Variants in ASXL3 observed in about 807,000 individuals in gnomAD.
ASXL3 encodes the protein putative Polycomb group protein ASXL3.
ASXL3 carries 34 observed loss-of-function variants against 170.6 expected under a neutral mutation model. The ratio of observed to expected loss-of-function variants is 0.20; its 90% CI spans 0.15 to 0.27. ASXL3 has a LOEUF of 0.27. ASXL3 is among the 10% of genes least tolerant of loss of function. The pLI is 1.00. For synonymous variants in ASXL3, 1,002 were observed against 989.1 expected (o/e 1.01, Z -0.24); for missense variants, 2,592 against 2,695.3 (o/e 0.96, Z 0.85).
At chr18:33,621,779 G>C (rs1205732174) in intron 2 of ASXL3, among the ~76,000 whole-genome samples, 1 of 152,116 alleles carries the variant, frequency 6.6e-6, no homozygotes, top group Non-Finnish European at 1.5e-5. Context: ...ATTTAACTAT[G>C]GGATATGTGA....
At chr18:33,734,729 GT>G (rs1225710330) in intron 10 of ASXL3, among the ~76,000 whole-genome samples, 1 of 152,108 alleles carries the variant, frequency 6.6e-6, no homozygotes, top group African/African-American at 2.4e-5. Context: ...TTTCAAGTAT[GT>G]TCATGAATTA....
intron 2 of ASXL3, among the ~76,000 whole-genome samples, chr18:33,636,528 G>A (rs2065768755): frequency 6.6e-6 from 1 of 152,124 alleles, no homozygotes; most frequent in South Asian, 2.1e-4. Context: ...ATTGTCTTGT[G>A]AATGAGGTAA....
At chr18:33,601,349 A>G (rs887251320) in intron 1 of ASXL3, among the ~76,000 whole-genome samples, 2 of 152,026 alleles carry the variant, frequency 1.3e-5, no homozygotes, top group Non-Finnish European at 2.9e-5. Context: ...CATTGGAATA[A>G]TAAGTGCTTT....
chr18:33,640,608 A>G (rs192661730), intron 2 of ASXL3, among the ~76,000 whole-genome samples: 2 of 152,248 alleles, frequency 1.3e-5, no homozygotes, highest in African/African-American at 2.4e-5. Context: ...CAAATTCTAA[A>G]CAATTTTCAC....
intron 4 of ASXL3, among the ~76,000 whole-genome samples, chr18:33,660,019 T>C (rs1430771535): frequency 1.3e-5 from 2 of 152,112 alleles, no homozygotes; most frequent in Non-Finnish European, 2.9e-5. Context: ...TTAGATATGA[T>C]ATTTTCTGTA....
rs1284838143 is a variant in ASXL3, at chr18:33,748,988, A to C, written c.*2393A>C. On this transcript the variant is annotated 3_prime_UTR_variant, in exon 12 of 12. Coordinates refer to ENST00000269197, the MANE Select transcript of ASXL3 (RefSeq NM_030632.3). ...AAAAAGTGTCCTTCTGTATGTTTTGATTTTTCACATAACAGGCTTGGAGAA... is the reference window on the plus strand; with the variant it reads ...AAAAAGTGTCCTTCTGTATGTTTTGCTTTTTCACATAACAGGCTTGGAGAA... 6.6e-6 allele frequency: 1 copy of C among 150,694 alleles called. No homozygotes were observed. Among genetic ancestry groups the C allele is most frequent in the Non-Finnish European group, 1.5e-5 (1 of 67,770 alleles). 9.3% of individuals were successfully genotyped at this position (150,694 alleles called of 1,614,324 possible).
At chr18:33,692,792 C>T (rs2066706740) in intron 8 of ASXL3, among the ~76,000 whole-genome samples, 1 of 152,140 alleles carries the variant, frequency 6.6e-6, no homozygotes, top group South Asian at 2.1e-4. Context: ...GGTAATTTAA[C>T]TTGTCTAATA....
rs2066328730 is a variant in ASXL3 at position 33,670,784 on chromosome 18, C to T, written c.589C>T (p.Pro197Ser). The change falls in exon 6 of 12, where the codon CCT becomes TCT. Residue 197 changes from proline (P) to serine (S), a missense_variant. Physicochemically the swap from Pro to Ser is moderately conservative, Grantham distance 74. Around this residue, in one of 4 missense-constraint regions of ASXL3, gnomAD observed 251 missense variants for 281.9 expected, o/e 0.89. Coordinates refer to ENST00000269197, the MANE Select transcript of ASXL3 (RefSeq NM_030632.3). Reference sequence around the variant, plus strand: ...GGTGTCTGATGAGCAGTCGGATTCGCCTTCAGGTAAAGAGCTGAAATATCA... The same window carrying T: ...GGTGTCTGATGAGCAGTCGGATTCGTCTTCAGGTAAAGAGCTGAAATATCA... The part of the protein sequence containing the change: ...LKVSDEQSDS[P>S]SGSESKNGEA... The T allele has an allele frequency of 1.3e-6, 2 of 1,540,190 alleles. No homozygotes were observed. Among genetic ancestry groups the T allele is most frequent in the Non-Finnish European group, 1.8e-6 (2 of 1,140,470 alleles).
chr18:33,745,408 G>A lies in ASXL3; in HGVS notation c.5560G>A (p.Val1854Ile), dbSNP rs767312279. 4.3e-6 allele frequency: 7 copies of A among 1,613,904 alleles called. No homozygotes were observed. The highest frequency in any genetic ancestry group is 5.9e-6 in the Non-Finnish European group (7 of 1,179,912). Residue 1854 changes from valine to isoleucine, a missense_variant, in exon 12 of 12, where the codon GTT (valine) becomes ATT (isoleucine). Coordinates refer to ENST00000269197, the MANE Select transcript of ASXL3 (RefSeq NM_030632.3). The part of the protein sequence containing the change: ...EPGKLLVEPD[V>I]KGVPCVISSG... ...AGGAAAATTGTTGGTGGAGCCAGATGTTAAAGGGGTGCCTTGTGTCATCAG... is the reference window on the plus strand; with the variant it reads ...AGGAAAATTGTTGGTGGAGCCAGATATTAAAGGGGTGCCTTGTGTCATCAG...
At chr18:33,589,102 C>T (rs376040770) in intron 1 of ASXL3, among the ~76,000 whole-genome samples, 1 of 152,044 alleles carries the variant, frequency 6.6e-6, no homozygotes, top group Admixed American at 6.6e-5. Flanking sequence ...AATGATGGTC[C>T]TAAGAGTCAG....
chr18:33,689,081 C>T (rs1328202535), intron 8 of ASXL3, among the ~76,000 whole-genome samples: 1 of 152,000 alleles, frequency 6.6e-6, no homozygotes, highest in Admixed American at 6.6e-5. Flanking sequence ...GCAACATCCG[C>T]CTCCCGGGTT....
At chr18:33,725,387 C>T (rs181467247) in intron 8 of ASXL3, among the ~76,000 whole-genome samples, 18 of 152,134 alleles carry the variant, frequency 1.2e-4, no homozygotes, top group African/African-American at 4.3e-4. Context: ...TCTTCCCTTA[C>T]ACCTATCAAT....
chr18:33,719,720 T>A (rs942761418), intron 8 of ASXL3, among the ~76,000 whole-genome samples: 1 of 151,944 alleles, frequency 6.6e-6, no homozygotes, highest in Non-Finnish European at 1.5e-5. Flanking sequence ...AGTTCTCTTA[T>A]AAGAAACCCC....
rs376418333 is a variant in ASXL3, at chr18:33,713,345, C to G, written c.880-18623C>G. On this transcript the variant is annotated intron_variant, in intron 8 of 11. Coordinates refer to ENST00000269197, the MANE Select transcript of ASXL3 (RefSeq NM_030632.3). ...TCTTGGCTCACTGCAACCTCCACCC[C>G]CCCCCGGGTTCAAGTGATTCTCCTG... is the stretch of plus-strand genomic sequence containing the variant. Among the ~76,000 whole-genome samples the G allele has an allele frequency of 5.3e-5, 2 of 37,970 alleles. 1 individual carries two copies. The highest frequency in any genetic ancestry group is 9.7e-5 in the Non-Finnish European group (2 of 20,552). 24.9% of individuals were successfully genotyped at this position (37,970 alleles called of 152,430 possible). A position where few individuals can be genotyped will look rare whatever the true frequency, so the allele number is the denominator to read the frequency against.
intron 1 of ASXL3, among the ~76,000 whole-genome samples, chr18:33,599,248 G>A (rs2065159164): frequency 6.6e-6 from 1 of 152,070 alleles, no homozygotes; most frequent in South Asian, 2.1e-4. Context: ...TATACATCAG[G>A]AAGATGCATA....
intron 4 of ASXL3, among the ~76,000 whole-genome samples, chr18:33,647,386 A>G (rs553645829): frequency 6.6e-6 from 1 of 152,230 alleles, no homozygotes; most frequent in Non-Finnish European, 1.5e-5. Flanking sequence ...GGAAATTACA[A>G]GAATGGCTGC....
intron 8 of ASXL3, among the ~76,000 whole-genome samples, chr18:33,690,890 C>T (rs1161923481): frequency 6.6e-6 from 1 of 152,142 alleles, no homozygotes. Context: ...TCAGGCTACT[C>T]CTCAGTGCAG....
chr18:33,707,149 G>T lies in ASXL3; in HGVS notation c.879+23581G>T, dbSNP rs140104969. Among the ~76,000 whole-genome samples the T allele has an allele frequency of 7.9e-3, 1,198 of 151,924 alleles. 16 individuals carry two copies. The highest frequency in any genetic ancestry group is 0.049 in the South Asian group (236 of 4,818). On this transcript the variant is annotated intron_variant, in intron 8 of 11. Coordinates refer to ENST00000269197, the MANE Select transcript of ASXL3 (RefSeq NM_030632.3). ...AACCATGTTATCTTGATTATTCGTA[G>T]CTTGATATCTTGTAGAGGTAGCTCA...
intron 7 of ASXL3, among the ~76,000 whole-genome samples, chr18:33,675,022 T>G (rs540911770): frequency 6.6e-6 from 1 of 152,316 alleles, no homozygotes; most frequent in African/African-American, 2.4e-5. Flanking sequence ...TCTTTGCCAT[T>G]AAGTTGTTAA....
Sources: allele counts gnomAD v4.1 joint callset (sites outside exome capture counted in the v4.1 genomes callset), GRCh38; gene constraint gnomAD v4.1.1; regional missense constraint gnomAD v4.1.1; transcripts MANE v1.5; gene names NCBI Gene and HGNC (gene_info 2026-07-23, HGNC 2026-07-21).